The following ZNF44 variants were observed in gnomAD, a reference collection of about 807,000 sequenced individuals.
ZNF44 encodes gonadotropin inducible transcription repressor-2.
A neutral mutation model predicts 11.7 loss-of-function variants in ZNF44; 9 were observed. That is an observed-to-expected ratio of 0.77 (90% CI 0.46 to 1.35). The LOEUF (loss-of-function observed/expected upper bound fraction) is 1.35, where lower values mean the gene tolerates loss of function less well. ZNF44 is among the 40% of genes most tolerant of loss of function. ZNF44 has a pLI of 0.00. For synonymous variants in ZNF44, 224 were observed against 242.7 expected (o/e 0.92, Z 0.72); for missense variants, 696 against 743.1 (o/e 0.94, Z 0.74).
intron 5 of ZNF44, among the ~76,000 whole-genome samples, chr19:12,260,849 C>T (rs983479042): frequency 2.0e-4 from 30 of 152,162 alleles, no homozygotes; most frequent in Non-Finnish European, 1.2e-4. Flanking sequence ...GCAGCTCAAA[C>T]TCTAAATGGG....
At chr19:12,233,880 G>A (rs936943679) in intron 2 of ZNF44, among the ~76,000 whole-genome samples, 4 of 152,074 alleles carry the variant, frequency 2.6e-5, no homozygotes, top group African/African-American at 9.7e-5. Flanking sequence ...TGACCAACAT[G>A]ATAAAACCCT....
At chr19:12,243,190 T>A (rs1367317817), downstream of ZNF44, among the ~76,000 whole-genome samples, 1 of 152,236 alleles carries the variant, frequency 6.6e-6, no homozygotes, top group African/African-American at 2.4e-5. Context: ...ATGTTCATGA[T>A]GTACAGTTAT....
At chr19:12,275,173 C>CG (rs1599530441) in intron 2 of ZNF44, 140 bp from the exon 3 acceptor site, 11 of 536,894 alleles carry the variant, frequency 2.0e-5, no homozygotes, top group East Asian at 1.3e-4. Flanking sequence ...GTTTGAACTG[C>CG]ACAAGTCCAT....
intron 5 of ZNF44, among the ~76,000 whole-genome samples, chr19:12,257,511 G>C (rs561896627): frequency 2.0e-5 from 3 of 152,002 alleles, no homozygotes; most frequent in African/African-American, 7.2e-5. Context: ...AAATTGGCCA[G>C]GCGTGGTGGC....
intron 1 of ZNF44, among the ~76,000 whole-genome samples, chr19:12,294,312 T>A (rs1968146179): frequency 6.6e-6 from 1 of 152,170 alleles, no homozygotes; most frequent in Admixed American, 6.5e-5. Flanking sequence ...CGGAGGCGGA[T>A]CTAGGGTGTC....
chr19:12,286,745 GT>G (rs1184234839), intron 1 of ZNF44, among the ~76,000 whole-genome samples: 3 of 151,552 alleles, frequency 2.0e-5, no homozygotes, highest in Non-Finnish European at 2.9e-5. Context: ...GAGGTCAGGA[GT>G]TCGAGACCAG....
intron 2 of ZNF44, among the ~76,000 whole-genome samples, chr19:12,232,533 GTGGTGATGACTCTTAACGAGCA>G (rs1432436799): frequency 6.6e-6 from 1 of 152,192 alleles, no homozygotes; most frequent in Non-Finnish European, 1.5e-5. Flanking sequence ...AGATTAGGGA[GTGGTGATGACTCTTAACGAGCA>G]TGCTGCCTTC....
Position 12,273,222 on chromosome 19 carries a change from C to G in ZNF44, c.1033G>C (p.Gly345Arg). 2 of 1,614,088 alleles carry G rather than the reference C, an allele frequency of 1.2e-6. No homozygotes were observed. Among genetic ancestry groups the G allele is most frequent in the Non-Finnish European group, 1.7e-6 (2 of 1,179,980 alleles). ...CGTGCTGAACCAGGAAAATCAAAGC[C>G]TTTCCCACATATCTTACATTTATGA... ...GPHKCKICGK[G>R]FDFPGSARIH... The change falls in exon 4 of 4, where the codon GGC becomes CGC. Residue 345 changes from glycine (G) to arginine (R), a missense_variant. Coordinates refer to ENST00000355684, the MANE Select transcript of ZNF44 (RefSeq NM_016264.4).
Position 12,272,445 on chromosome 19 carries a change from T to G in ZNF44, c.1810A>C (p.Asn604His). The G allele has an allele frequency of 6.3e-7, 1 of 1,580,152 alleles. No homozygotes were observed. The highest frequency in any genetic ancestry group is 2.2e-5 in the East Asian group (1 of 44,658). ...GKAFSSLSSF[N>H]RHKRTHWKDI... ...TTCCAGTGTGTCCTTTTATGTCTAT[T>G]AAAGGAACTGAGAGAACTGAAGGCT... is the stretch of plus-strand genomic sequence containing the variant. The change falls in exon 4 of 4, where the codon AAT becomes CAT. Residue 604 changes from asparagine to histidine, a missense_variant. Asn to His is a moderately conservative substitution (Grantham distance 68). Coordinates refer to ENST00000355684, the MANE Select transcript of ZNF44 (RefSeq NM_016264.4).
chr19:12,260,630 A>C (rs1917472654), intron 5 of ZNF44: 1 of 615,026 alleles, frequency 1.6e-6, no homozygotes, highest in Admixed American at 3.1e-5. Context: ...CAAAAAAACA[A>C]AACAAAAACA....
intron 2 of ZNF44, among the ~76,000 whole-genome samples, chr19:12,232,317 A>G (rs1409954214): frequency 6.6e-6 from 1 of 152,036 alleles, no homozygotes. Context: ...CTCTTGTCTC[A>G]ACTGCAAGAG....
chr19:12,262,255 A>C (rs182480148), intron 5 of ZNF44, among the ~76,000 whole-genome samples: 7 of 152,268 alleles, frequency 4.6e-5, no homozygotes, highest in Admixed American at 2.6e-4. Context: ...AATTAAAATA[A>C]AAATTCATTT....
At chr19:12,254,772 G>T (rs902506675) in intron 5 of ZNF44, among the ~76,000 whole-genome samples, 3 of 151,482 alleles carry the variant, frequency 2.0e-5, no homozygotes, top group African/African-American at 7.3e-5. Context: ...AAAAATAAAT[G>T]AATGAAAATA....
In ZNF44 at chr19:12,294,825, G is replaced by A. The variant is rs1402638272; in HGVS notation, c.-131C>T. 9.2e-7 allele frequency: 1 copy of A among 1,086,426 alleles called. No individual in the cohort carries two copies. The highest frequency in any genetic ancestry group is 1.3e-6 in the Non-Finnish European group (1 of 788,212). The allele number at this position is 1,086,426 out of a possible 1,614,324, so 67.3% of individuals were successfully genotyped here. A position where few individuals can be genotyped will look rare whatever the true frequency, so the allele number is the denominator to read the frequency against. On this transcript the variant is annotated 5_prime_UTR_variant, in exon 1 of 4. Coordinates refer to ENST00000355684, the MANE Select transcript of ZNF44 (RefSeq NM_016264.4). ...AATACGGAACAGAGGTCACCAGGGT[G>A]AAGAGGCCACTAGCTCCTGGAACGT...
intron 1 of ZNF44, among the ~76,000 whole-genome samples, chr19:12,286,637 A>C (rs78465358): frequency 4.7e-5 from 7 of 150,264 alleles, no homozygotes; most frequent in South Asian, 4.2e-4. Flanking sequence ...ACTTGGTCTC[A>C]AAAAAAAGAA....
At chr19:12,280,987 T>C (rs940980052) in intron 1 of ZNF44, among the ~76,000 whole-genome samples, 8 of 152,174 alleles carry the variant, frequency 5.3e-5, no homozygotes, top group Non-Finnish European at 1.2e-4. Flanking sequence ...TACACAAATC[T>C]AGGATTATAG....
At chr19:12,275,530 C>A (rs1967180704) in intron 2 of ZNF44, among the ~76,000 whole-genome samples, 1 of 152,036 alleles carries the variant, frequency 6.6e-6, no homozygotes, top group African/African-American at 2.4e-5. Context: ...CGCCTGTAGT[C>A]CCAGCTACTC....
upstream of ZNF44, among the ~76,000 whole-genome samples, chr19:12,238,787 CTTCATTTCAAAAA>C (rs1916499708): frequency 6.6e-6 from 1 of 152,144 alleles, no homozygotes; most frequent in African/African-American, 2.4e-5. Context: ...CAGAGTAAGA[CTTCATTTCAAAAA>C]ATGGGAAGAA....
Position 12,248,478 on chromosome 19 carries a change from T to C in ZNF44, c.*387A>G, listed in dbSNP as rs142980615. 2,239 of 1,290,934 alleles carry C rather than the reference T, an allele frequency of 1.7e-3. 30 individuals carry two copies. In the African/African-American group the frequency reaches 0.028, roughly 16 times the overall value. The allele number at this position is 1,290,934 out of a possible 1,614,324, so 80.0% of individuals were successfully genotyped here. A position where few individuals can be genotyped will look rare whatever the true frequency, so the allele number is the denominator to read the frequency against. On this transcript the variant is annotated 3_prime_UTR_variant and NMD_transcript_variant, in exon 8 of 8. Coordinates refer to the ZNF44 transcript ENST00000393337. ...CTTCTCTCCATATTCCTGACACTTATACAGTTTGTGTCTGGTGTAAGATCT... is the reference window on the plus strand; with the variant it reads ...CTTCTCTCCATATTCCTGACACTTACACAGTTTGTGTCTGGTGTAAGATCT...
Sources: allele counts gnomAD v4.1 joint callset (sites outside exome capture counted in the v4.1 genomes callset), GRCh38; gene constraint gnomAD v4.1.1; transcripts MANE v1.5; gene names NCBI Gene and HGNC (gene_info 2026-07-23, HGNC 2026-07-21).